SUCO: variants seen among roughly 807,000 people sequenced by gnomAD.
SUCO encodes SUN domain containing ossification factor, also known as SUN domain-containing ossification factor.
A neutral mutation model predicts 148.1 loss-of-function variants in SUCO; 57 were observed. That is an observed-to-expected ratio of 0.38 (90% confidence interval 0.31 to 0.48). The LOEUF is 0.48. Ranked by LOEUF, SUCO falls within the 20% of genes least tolerant of loss-of-function variation. The pLI, the probability that SUCO is intolerant of heterozygous loss-of-function variation, is 0.96. For synonymous variants in SUCO, 470 were observed against 502.7 expected (o/e 0.93, Z 0.87); for missense variants, 1,331 against 1,468.2 (o/e 0.91, Z 1.53).
chr1:172,557,653 C>A lies in SUCO; in HGVS notation c.591C>A (p.Gly197=). 1 of 1,595,692 alleles carries A rather than the reference C, an allele frequency of 6.3e-7. No individual in the cohort carries two copies. The highest frequency in any genetic ancestry group is 8.5e-7 in the Non-Finnish European group (1 of 1,174,292). The part of the protein sequence containing the change: ...SFVSPPDSLV[G]QHIENVSSSH... The stretch of plus-strand genomic sequence containing the variant: ...TTTTGGTTTTAAACAGCCTTGTTGG[C>A]CAGCATATAGAAAATGTATCATCTT... The change falls in exon 6 of 24, where the codon GGC becomes GGA. Residue 197 remains glycine (G), a synonymous_variant. Coordinates refer to ENST00000263688, the MANE Select transcript of SUCO (RefSeq NM_014283.5).
chr1:172,551,345 C>T (rs969182114), intron 1 of SUCO, among the ~76,000 whole-genome samples, 167 bp from the exon 2 acceptor site: 8 of 152,026 alleles, frequency 5.3e-5, no homozygotes, highest in Admixed American at 2.6e-4. Flanking sequence ...TTTTCTTATA[C>T]GTATTGATTT....
Position 172,536,405 on chromosome 1 carries a change from T to C in SUCO, c.62+2908T>C, listed in dbSNP as rs79424369. On this transcript the variant is annotated intron_variant, in intron 1 of 23. Coordinates refer to ENST00000263688, the MANE Select transcript of SUCO (RefSeq NM_014283.5). ...ATCCATTCATACTTCACAGGGTTGTTAGGAGGATGAAATAATACAAATGAC... is the reference window on the plus strand; with the variant it reads ...ATCCATTCATACTTCACAGGGTTGTCAGGAGGATGAAATAATACAAATGAC... Among the ~76,000 whole-genome samples, 798 of 152,308 alleles carry C rather than the reference T, an allele frequency of 5.2e-3. 4 individuals carry two copies. Among genetic ancestry groups the C allele is most frequent in the Non-Finnish European group, 8.3e-3 (564 of 68,004 alleles).
At chr1:172,532,596 C>T, upstream of SUCO, 1 of 1,613,984 alleles carries the variant, frequency 6.2e-7, no homozygotes, top group Non-Finnish European at 8.5e-7. Flanking sequence ...TCATTCTAGG[C>T]CATTCCACGA....
rs760965476 is a variant in SUCO at position 172,591,030 on chromosome 1, A to G, written c.2872A>G (p.Ile958Val). Residue 958 changes from isoleucine to valine, a missense_variant, in exon 19 of 24, where the codon ATC (isoleucine) becomes GTC (valine). By Grantham distance (29) the Ile-to-Val change is conservative (BLOSUM62 3). Around this residue, in one of 3 missense-constraint regions of SUCO, gnomAD observed 334 missense variants for 352.3 expected, o/e 0.95. Coordinates refer to ENST00000263688, the MANE Select transcript of SUCO (RefSeq NM_014283.5). ...EEMQKAFNKT[I>V]VKLQNTSRIA... ...AATGCAAAAGGCTTTCAATAAAACA[A>G]TCGTGAAACTTCAGAATACTTCAAG... 5.0e-6 allele frequency: 8 copies of G among 1,612,606 alleles called. No homozygotes were observed. The highest frequency in any genetic ancestry group is 6.8e-6 in the Non-Finnish European group (8 of 1,179,218).
rs769334601 is a variant in SUCO, at chr1:172,585,131, G to A, written c.1567+45G>A. The A allele has an allele frequency of 5.1e-6, 7 of 1,383,856 alleles. No homozygotes were observed. In the African/African-American group the frequency reaches 5.9e-5, roughly 12 times the overall value. 85.7% of individuals were successfully genotyped at this position (1,383,856 alleles called of 1,614,324 possible). On this transcript the variant is annotated intron_variant, in intron 16 of 23. Coordinates refer to ENST00000263688, the MANE Select transcript of SUCO (RefSeq NM_014283.5). ...GTCTTTTAAATAGCTGGTACTCCAG[G>A]GATCCTTATATTTAGGAAAATCAAG... is the stretch of plus-strand genomic sequence containing the variant.
Position 172,533,357 on chromosome 1 carries a change from G to A in SUCO, c.-79G>A. The A allele has an allele frequency of 1.3e-6, 2 of 1,551,782 alleles. No homozygotes were observed. Among genetic ancestry groups the A allele is most frequent in the Non-Finnish European group, 1.7e-6 (2 of 1,147,052 alleles). ...GTCACATTCTCGCGCTCCTGCTCCG[G>A]CTCCTCCATCTTGGCCTCGGCAGTG... On this transcript the variant is annotated 5_prime_UTR_variant, in exon 1 of 24. Transcript: ENST00000263688.
intron 1 of SUCO, chr1:172,541,826 C>A: frequency 1.0e-6 from 1 of 981,372 alleles, no homozygotes; most frequent in Non-Finnish European, 1.2e-6. Context: ...ACTGAGAGTA[C>A]ATTCTAGGGC....
At chr1:172,577,397 A>C in intron 11 of SUCO, 142 bp from the exon 12 acceptor site, 1 of 740,106 alleles carries the variant, frequency 1.4e-6, no homozygotes. Context: ...GCAAGGAATT[A>C]AGAATACTAC....
chr1:172,558,231 G>T (rs537980198), intron 6 of SUCO, among the ~76,000 whole-genome samples: 5 of 152,218 alleles, frequency 3.3e-5, no homozygotes, highest in Admixed American at 2.0e-4. Flanking sequence ...CATTATTTGT[G>T]TGCAAAATAC....
upstream of SUCO, chr1:172,533,010 C>T (rs1296800249): frequency 7.0e-7 from 1 of 1,424,542 alleles, no homozygotes; most frequent in Non-Finnish European, 9.2e-7. Context: ...CGCCGCGGGA[C>T]TTGGGTGACG....
At position 172,611,034 on chromosome 1, in the gene SUCO, T is replaced by C. The variant is rs1658181645; in HGVS notation, c.*775T>C. 1 of 152,602 alleles carries C rather than the reference T, an allele frequency of 6.6e-6. No homozygotes were observed. The highest frequency in any genetic ancestry group is 2.4e-5 in the African/African-American group (1 of 41,440). 9.5% of individuals were successfully genotyped at this position (152,602 alleles called of 1,614,324 possible). On this transcript the variant is annotated 3_prime_UTR_variant, in exon 24 of 24. Coordinates refer to ENST00000263688, the MANE Select transcript of SUCO (RefSeq NM_014283.5). Reference sequence around the variant, plus strand: ...TCACCTTTTAAACACACTTAACCATTTGTGAAGGTTTTCTTTAGCTTACAT... The same window carrying C: ...TCACCTTTTAAACACACTTAACCATCTGTGAAGGTTTTCTTTAGCTTACAT...
intron 18 of SUCO, chr1:172,590,317 G>C: frequency 1.0e-6 from 1 of 983,660 alleles, no homozygotes; most frequent in Non-Finnish European, 1.2e-6. Flanking sequence ...TATCACTTAA[G>C]AGTTTAGATA....
chr1:172,588,371 G>A (rs1174175012), intron 17 of SUCO: 1 of 985,164 alleles, frequency 1.0e-6, no homozygotes, highest in Non-Finnish European at 1.2e-6. Context: ...CTCTTAGTTG[G>A]CTTAATTTCT....
At position 172,610,205 on chromosome 1, in the gene SUCO, CAAAG is replaced by C; in HGVS notation, c.3713_3716del (p.Lys1238ArgfsTer20). 6.2e-7 allele frequency: 1 copy of C among 1,611,636 alleles called. No homozygotes were observed. Among genetic ancestry groups the C allele is most frequent in the South Asian group, 1.1e-5 (1 of 90,624 alleles). The stretch of plus-strand genomic sequence containing the variant: ...GCCTGCATGACATAATCAAAGGAAA[CAAAG>C]AGATCACCGTGGGAACATTTGGTGT... On this transcript the variant is annotated frameshift_variant, in exon 24 of 24. Transcript: ENST00000263688. LOFTEE classifies it high-confidence loss of function.
intron 6 of SUCO, among the ~76,000 whole-genome samples, chr1:172,558,668 T>C (rs1653922524): frequency 6.6e-6 from 1 of 152,202 alleles, no homozygotes; most frequent in South Asian, 2.1e-4. Flanking sequence ...ATATAGGAGC[T>C]CAGGATTTCA....
chr1:172,578,338 G>T lies in SUCO; in HGVS notation c.1381G>T (p.Ala461Ser), dbSNP rs1655612124. The change falls in exon 14 of 24, where the codon GCT (alanine) becomes TCT (serine). Residue 461 changes from alanine to serine, a missense_variant. Physicochemically the swap from Ala to Ser is moderately conservative, Grantham distance 99. Coordinates refer to ENST00000263688, the MANE Select transcript of SUCO (RefSeq NM_014283.5). ...CATGGTGGAAGAATATGAAGAAATT[G>T]CTGATTCCCAGTATCACTCAGAACG... ...TSMVEEYEEIADSQYHSERQE... is the reference protein window; with the variant it reads ...TSMVEEYEEISDSQYHSERQE... The T allele has an allele frequency of 1.9e-6, 3 of 1,612,660 alleles. No homozygotes were observed. Among genetic ancestry groups the T allele is most frequent in the Non-Finnish European group, 1.7e-6 (2 of 1,178,872 alleles).
intron 7 of SUCO, 110 bp downstream of exon 7, chr1:172,569,252 T>G: frequency 8.6e-7 from 1 of 1,160,796 alleles, no homozygotes; most frequent in Non-Finnish European, 1.1e-6. Context: ...TTTGAAAACT[T>G]TTTAAAGGTG....
At chr1:172,577,495 A>G (rs751993720) in intron 11 of SUCO, 44 bp from the exon 12 acceptor site, 2 of 1,589,898 alleles carry the variant, frequency 1.3e-6, no homozygotes, top group African/African-American at 2.7e-5. Context: ...TGATGTCTAG[A>G]CTTTGGAACT....
intron 6 of SUCO, among the ~76,000 whole-genome samples, chr1:172,567,969 C>T (rs910136375): frequency 6.6e-6 from 1 of 152,204 alleles, no homozygotes; most frequent in Non-Finnish European, 1.5e-5. Flanking sequence ...AGCAGGTAAG[C>T]AAGCATTATC....
Sources: allele counts gnomAD v4.1 joint callset (sites outside exome capture counted in the v4.1 genomes callset), GRCh38; gene constraint gnomAD v4.1.1; regional missense constraint gnomAD v4.1.1; transcripts MANE v1.5; gene names NCBI Gene and HGNC (gene_info 2026-07-23, HGNC 2026-07-21).